GNG7: variants seen among roughly 807,000 people sequenced by gnomAD.
GNG7 encodes the protein G protein subunit gamma 7.
GNG7 carries 1 observed loss-of-function variant against 4.0 expected under a neutral mutation model. The observed-to-expected ratio is 0.25, with a 90% CI of 0.09 to 1.18. The LOEUF (loss-of-function observed/expected upper bound fraction) is 1.18, where lower values mean the gene tolerates loss of function less well. GNG7 is among the 50% of genes most tolerant of loss of function. The pLI is 0.50. For synonymous variants in GNG7, 34 were observed against 36.9 expected (o/e 0.92, Z 0.29); for missense variants, 86 against 91.9 (o/e 0.94, Z 0.26).
chr19:2,654,634 T>TGGGG (rs1052675145), intron 1 of GNG7, among the ~76,000 whole-genome samples: 1 of 127,578 alleles, frequency 7.8e-6, no homozygotes, highest in East Asian at 2.3e-4. Context: ...ACACCCTGAG[T>TGGGG]GGGGGGAGGG....
At chr19:2,524,532 ATC>A (rs1378888450) in intron 3 of GNG7, among the ~76,000 whole-genome samples, 1 of 152,182 alleles carries the variant, frequency 6.6e-6, no homozygotes, top group Non-Finnish European at 1.5e-5. Flanking sequence ...GTGCACACAT[ATC>A]TGCATGTGTA....
chr19:2,551,299 G>T (rs1345052430), intron 3 of GNG7, among the ~76,000 whole-genome samples: 1 of 152,132 alleles, frequency 6.6e-6, no homozygotes, highest in African/African-American at 2.4e-5. Flanking sequence ...CATGGAGAAG[G>T]ACGTAAAAGG....
At chr19:2,528,369 C>G (rs1263435705) in intron 3 of GNG7, among the ~76,000 whole-genome samples, 3 of 144,652 alleles carry the variant, frequency 2.1e-5, no homozygotes, top group African/African-American at 5.2e-5. Context: ...CCAGGAGATA[C>G]AGACCATCCT....
Position 2,614,453 on chromosome 19 carries a change from C to T in GNG7, c.-78+31771G>A, listed in dbSNP as rs950493501. On this transcript the variant is annotated intron_variant, in intron 2 of 4. Coordinates refer to ENST00000382159, the MANE Select transcript of GNG7 (RefSeq NM_052847.3). This position sits in a 1 kb window ranked among gnomAD's most constrained non-coding sequence, Gnocchi z 6.0. ...CCCTATCAGCTGTCACTTCCCATCC[C>T]CCTCCCCAGCCCCTGGCACCCACAC... Among the ~76,000 whole-genome samples the T allele has an allele frequency of 1.3e-5, 2 of 152,212 alleles. No homozygotes were observed. Among genetic ancestry groups the T allele is most frequent in the South Asian group, 2.1e-4 (1 of 4,834 alleles).
At chr19:2,612,677 C>G (rs956412479) in intron 2 of GNG7, among the ~76,000 whole-genome samples, 15 of 147,208 alleles carry the variant, frequency 1.0e-4, no homozygotes, top group African/African-American at 3.9e-4. Flanking sequence ...TTGTAAAATA[C>G]AGCTTAGAAT....
In GNG7 at chr19:2,513,065, G is replaced by C. The variant is rs962866396; in HGVS notation, c.*1957C>G. ...CCGTAGAGAGCTGGGTGCCGGGGGT[G>C]GGGAGCCCGGCTGTGGCCTGTGGGA... On this transcript the variant is annotated 3_prime_UTR_variant, in exon 5 of 5. Coordinates refer to ENST00000382159, the MANE Select transcript of GNG7 (RefSeq NM_052847.3). The C allele has an allele frequency of 1.0e-6, 1 of 985,440 alleles. No individual in the cohort carries two copies. Among genetic ancestry groups the C allele is most frequent in the African/African-American group, 1.7e-5 (1 of 57,230 alleles). 61.0% of individuals were successfully genotyped at this position (985,440 alleles called of 1,614,324 possible).
rs1377888698 is a variant in GNG7, at chr19:2,609,910, C to G, written c.-78+36314G>C. Among the ~76,000 whole-genome samples the G allele has an allele frequency of 1.3e-5, 2 of 152,192 alleles. No individual in the cohort carries two copies. Among genetic ancestry groups the G allele is most frequent in the Non-Finnish European group, 2.9e-5 (2 of 68,012 alleles). On this transcript the variant is annotated intron_variant, in intron 2 of 4. Transcript: ENST00000382159. The surrounding 1 kb of genome is among the most constrained non-coding windows in gnomAD (Gnocchi z 4.4). ...CCACGAGTGAGGAAATTGAACGGTACAGGAAAAGCAGGAGAGCGTGCACCT... is the reference window on the plus strand; with the variant it reads ...CCACGAGTGAGGAAATTGAACGGTAGAGGAAAAGCAGGAGAGCGTGCACCT...
At chr19:2,545,955 AAAAACAAAACAAAAC>A (rs71178287) in intron 3 of GNG7, among the ~76,000 whole-genome samples, 4 of 151,478 alleles carry the variant, frequency 2.6e-5, no homozygotes, top group African/African-American at 9.7e-5. Flanking sequence ...ACTCTGCCTC[AAAAACAAAACAAAAC>A]AAAACAAAAC....
chr19:2,512,048 C>T lies in GNG7; in HGVS notation c.*2974G>A, dbSNP rs570811870. On this transcript the variant is annotated 3_prime_UTR_variant, in exon 5 of 5. Transcript: ENST00000382159. This position sits in a 1 kb window ranked among gnomAD's most constrained non-coding sequence, Gnocchi z 4.7. ...GAGACCCAGGCTACAGAAGGAGAAACGGCCTTCTCTCTCCCACCCGACGCT... is the reference window on the plus strand; with the variant it reads ...GAGACCCAGGCTACAGAAGGAGAAATGGCCTTCTCTCTCCCACCCGACGCT... 2.8e-5 allele frequency: 28 copies of T among 985,790 alleles called. No individual in the cohort carries two copies. Among genetic ancestry groups the T allele is most frequent in the East Asian group, 1.1e-4 (1 of 8,804 alleles). 61.1% of individuals were successfully genotyped at this position (985,790 alleles called of 1,614,324 possible).
At chr19:2,534,652 C>T (rs541047487) in intron 3 of GNG7, among the ~76,000 whole-genome samples, 1 of 152,240 alleles carries the variant, frequency 6.6e-6, no homozygotes, top group East Asian at 1.9e-4. Context: ...AGATGGCTTG[C>T]CCAGAAGATA....
chr19:2,679,496 C>T (rs954463496), intron 1 of GNG7, among the ~76,000 whole-genome samples: 2 of 152,170 alleles, frequency 1.3e-5, no homozygotes, highest in African/African-American at 4.8e-5. Context: ...GATTCCTATC[C>T]TGTCTGACAC....
intron 2 of GNG7, among the ~76,000 whole-genome samples, chr19:2,575,684 GGC>G (rs1225730599): frequency 1.6e-5 from 2 of 124,372 alleles, no homozygotes; most frequent in African/African-American, 3.2e-5. Context: ...CAGACACGCA[GGC>G]ACACGCAGAC....
At chr19:2,554,255 C>T (rs536640137) in intron 3 of GNG7, among the ~76,000 whole-genome samples, 18 of 148,698 alleles carry the variant, frequency 1.2e-4, no homozygotes, top group Non-Finnish European at 2.1e-4. Flanking sequence ...ATCACAATCA[C>T]AGCTCACAGT....
chr19:2,542,482 G>T (rs1978994994), intron 3 of GNG7, among the ~76,000 whole-genome samples: 1 of 152,098 alleles, frequency 6.6e-6, no homozygotes, highest in African/African-American at 2.4e-5. Context: ...AAGGGGGACT[G>T]CGCCCTACGA....
At chr19:2,534,139 A>G (rs1396656989) in intron 3 of GNG7, among the ~76,000 whole-genome samples, 4 of 152,214 alleles carry the variant, frequency 2.6e-5, no homozygotes, top group African/African-American at 9.6e-5. Context: ...GAAAAAATAT[A>G]TATACATCCT....
Position 2,633,683 on chromosome 19 carries a change from G to A in GNG7, c.-78+12541C>T, listed in dbSNP as rs1225485388. 6.6e-6 allele frequency among the ~76,000 whole-genome samples: 1 copy of A among 152,160 alleles called. No homozygotes were observed. The highest frequency in any genetic ancestry group is 1.9e-4 in the East Asian group (1 of 5,158). ...GGGATTCATTGAGAGGACATCGGTG[G>A]GCTTGAAAACGGGTGTCTGTTTACC... is the stretch of plus-strand genomic sequence containing the variant. On this transcript the variant is annotated intron_variant, in intron 2 of 4. Transcript: ENST00000382159. The surrounding 1 kb of genome is among the most constrained non-coding windows in gnomAD (Gnocchi z 5.9).
chr19:2,521,901 C>T (rs1045280747), intron 3 of GNG7, among the ~76,000 whole-genome samples: 7 of 152,056 alleles, frequency 4.6e-5, no homozygotes, highest in South Asian at 2.1e-4. Context: ...GGTGTGAGCC[C>T]GGCCTCTCCT....
intron 1 of GNG7, among the ~76,000 whole-genome samples, chr19:2,691,782 G>A (rs1362069974): frequency 1.3e-5 from 2 of 148,912 alleles, no homozygotes; most frequent in Non-Finnish European, 3.0e-5. Flanking sequence ...CAGGAGAATT[G>A]CTTGAACCCG....
intron 2 of GNG7, among the ~76,000 whole-genome samples, chr19:2,565,530 A>C (rs988357963): frequency 2.0e-5 from 3 of 151,700 alleles, no homozygotes; most frequent in Non-Finnish European, 4.4e-5. Flanking sequence ...AAAAACAAAA[A>C]CAAAAGCTGT....
Sources: allele counts gnomAD v4.1 joint callset (sites outside exome capture counted in the v4.1 genomes callset), GRCh38; gene constraint gnomAD v4.1.1; non-coding constraint Gnocchi (gnomAD v3.1); transcripts MANE v1.5; gene names NCBI Gene and HGNC (gene_info 2026-07-23, HGNC 2026-07-21).